The following RANBP2 variants were observed in gnomAD, a reference collection of about 807,000 sequenced individuals.
RANBP2 encodes E3 SUMO-protein ligase RanBP2.
In RANBP2, 57 loss-of-function variants were observed where a neutral mutation model predicts 303.6. The observed-to-expected ratio is 0.19, with a 90% CI of 0.15 to 0.23. RANBP2 has a LOEUF of 0.23. Ranked by LOEUF, RANBP2 falls within the 10% of genes least tolerant of loss-of-function variation. RANBP2 has a pLI of 1.00. For synonymous variants in RANBP2, 1,167 were observed against 1,301.5 expected (o/e 0.90, Z 2.23); for missense variants, 3,138 against 3,780.8 (o/e 0.83, Z 4.46).
At chr2:108,852,378 A>G in the RANBP2 span, among the ~76,000 whole-genome samples, 2 of 152,210 alleles carry the variant, frequency 1.3e-5, no homozygotes, top group Non-Finnish European at 2.9e-5. Context: ...AATGCCATTC[A>G]ACCCAACAAT....
chr2:108,894,678 A>AATT, the RANBP2 span: 1 of 152,532 alleles, frequency 6.6e-6, no homozygotes. Flanking sequence ...GGTCAGTGAG[A>AATT]ATTATTATGA....
the RANBP2 span, among the ~76,000 whole-genome samples, chr2:109,319,951 G>C: frequency 6.6e-6 from 1 of 152,350 alleles, no homozygotes; most frequent in South Asian, 2.1e-4. Context: ...ACGAGCTGCT[G>C]TGAGAAGTAA....
the RANBP2 span, among the ~76,000 whole-genome samples, chr2:109,700,490 C>T: frequency 8.6e-5 from 13 of 151,916 alleles, no homozygotes; most frequent in African/African-American, 1.2e-4. Flanking sequence ...AGGGCGCTTC[C>T]AGGTCACAGA....
At chr2:109,763,285 C>T in the RANBP2 span, among the ~76,000 whole-genome samples, 10 of 150,406 alleles carry the variant, frequency 6.6e-5, no homozygotes, top group African/African-American at 2.4e-4. Flanking sequence ...TGTTTTAGCT[C>T]ATTTAATTAT....
chr2:109,331,483 C>T, the RANBP2 span, among the ~76,000 whole-genome samples: 1 of 152,072 alleles, frequency 6.6e-6, no homozygotes, highest in African/African-American at 2.4e-5. Flanking sequence ...CCTCAGGGCT[C>T]CCGCGTCTAC....
the RANBP2 span, chr2:109,615,575 G>A: frequency 3.7e-6 from 6 of 1,614,090 alleles, no homozygotes; most frequent in Non-Finnish European, 5.1e-6. Flanking sequence ...TGCTGGTGGG[G>A]GCCTACGACG....
the RANBP2 span, among the ~76,000 whole-genome samples, chr2:109,322,724 G>A: frequency 6.6e-6 from 1 of 152,184 alleles, no homozygotes; most frequent in Non-Finnish European, 1.5e-5. Flanking sequence ...TCATTAAGAG[G>A]TAGATGATCA....
chr2:108,964,614 T>G, the RANBP2 span, among the ~76,000 whole-genome samples: 206 of 152,306 alleles, frequency 1.4e-3, 2 homozygotes, highest in East Asian at 0.037. Context: ...TTTAAAGAAC[T>G]AGGTTTCTCT....
chr2:109,350,341 C>T, the RANBP2 span, among the ~76,000 whole-genome samples: 1 of 152,296 alleles, frequency 6.6e-6, no homozygotes, highest in East Asian at 1.9e-4. Flanking sequence ...GTGACGGCTC[C>T]CACAGCAGAC....
chr2:109,371,257 G>A, the RANBP2 span, among the ~76,000 whole-genome samples: 1 of 152,338 alleles, frequency 6.6e-6, no homozygotes, highest in East Asian at 1.9e-4. Flanking sequence ...GGGTGTGGTG[G>A]CACACGCCTG....
the RANBP2 span, among the ~76,000 whole-genome samples, chr2:109,438,740 A>T: frequency 6.6e-6 from 1 of 152,026 alleles, no homozygotes; most frequent in Non-Finnish European, 1.5e-5. Context: ...CTAGCTGGGG[A>T]TACAGTCATT....
the RANBP2 span, among the ~76,000 whole-genome samples, chr2:109,510,721 G>A: frequency 6.6e-6 from 1 of 152,204 alleles, no homozygotes; most frequent in African/African-American, 2.4e-5. Flanking sequence ...AGCCTGGGCT[G>A]GGGAAGGGCC....
the RANBP2 span, among the ~76,000 whole-genome samples, chr2:109,089,224 A>AG: frequency 6.6e-6 from 1 of 152,194 alleles, no homozygotes; most frequent in Non-Finnish European, 1.5e-5. Flanking sequence ...ATAAATCATG[A>AG]GAAAAACATT....
chr2:109,549,856 CTCTT>C, the RANBP2 span, among the ~76,000 whole-genome samples: 2 of 152,118 alleles, frequency 1.3e-5, no homozygotes, highest in Admixed American at 1.3e-4. Flanking sequence ...TGAATGTGGT[CTCTT>C]TCTCTCTCAA....
At chr2:109,409,667 T>C in the RANBP2 span, among the ~76,000 whole-genome samples, 9 of 152,068 alleles carry the variant, frequency 5.9e-5, no homozygotes, top group African/African-American at 2.2e-4. Context: ...ACAGACTCCC[T>C]CACTGGGGCT....
the RANBP2 span, among the ~76,000 whole-genome samples, chr2:109,700,730 G>C: frequency 6.6e-6 from 1 of 152,040 alleles, no homozygotes. Flanking sequence ...AGTCTTATGG[G>C]AGATGCTGGT....
the RANBP2 span, among the ~76,000 whole-genome samples, chr2:108,925,481 C>T: frequency 5.3e-5 from 8 of 152,228 alleles, no homozygotes; most frequent in Admixed American, 3.3e-4. Context: ...CTCTGTCCCA[C>T]GACTGTGTCT....
chr2:109,736,184 A>C, the RANBP2 span, among the ~76,000 whole-genome samples: 1 of 152,140 alleles, frequency 6.6e-6, no homozygotes, highest in African/African-American at 2.4e-5. Flanking sequence ...CACGGCAACA[A>C]TTGTATCTTT....
chr2:109,144,495 T>C, the RANBP2 span, among the ~76,000 whole-genome samples: 5 of 152,246 alleles, frequency 3.3e-5, no homozygotes, highest in Admixed American at 6.5e-5. Flanking sequence ...CAGCTGTGGA[T>C]GTGCTGAGGC....
Sources: allele counts gnomAD v4.1 joint callset (sites outside exome capture counted in the v4.1 genomes callset), GRCh38; gene constraint gnomAD v4.1.1; transcripts MANE v1.5; gene names NCBI Gene and HGNC (gene_info 2026-07-23, HGNC 2026-07-21).